PLA2G4A: variants seen among roughly 807,000 people sequenced by gnomAD.
The protein encoded by PLA2G4A is cytosolic phospholipase A2.
Under a neutral mutation model 81.9 loss-of-function variants are expected in PLA2G4A, and 40 were observed. The observed-to-expected ratio is 0.49, with a 90% confidence interval of 0.38 to 0.64. PLA2G4A has a LOEUF of 0.64. Among genes scored for constraint, PLA2G4A ranks in the 30% least tolerant of loss-of-function variants. The pLI is 0.00. For missense variants in PLA2G4A, 715 were observed against 905.1 expected, an observed-to-expected ratio of 0.79 and a Z score of 2.69; for synonymous variants, 302 against 296.9, an observed-to-expected ratio of 1.02 and a Z score of -0.18.
chr1:186,890,636 A>G (rs1558405806), intron 3 of PLA2G4A, among the ~76,000 whole-genome samples: 1 of 151,966 alleles, frequency 6.6e-6, no homozygotes, highest in Non-Finnish European at 1.5e-5. Flanking sequence ...CGGGCAGATC[A>G]GGAGGTCAGG....
intron 16 of PLA2G4A, 112 bp from the exon 17 acceptor site, chr1:186,979,203 C>G: frequency 2.6e-6 from 2 of 783,322 alleles, no homozygotes; most frequent in Non-Finnish European, 2.3e-6. Flanking sequence ...GAGTACCTGG[C>G]TCTGTGGGGA....
intron 2 of PLA2G4A, among the ~76,000 whole-genome samples, chr1:186,863,091 A>C (rs1383337357): frequency 6.6e-6 from 1 of 152,178 alleles, no homozygotes; most frequent in Admixed American, 6.5e-5. Context: ...ATATATCATT[A>C]AGTAAATATT....
intron 8 of PLA2G4A, among the ~76,000 whole-genome samples, chr1:186,933,710 G>A (rs529310275): frequency 7.0e-4 from 107 of 152,180 alleles, no homozygotes; most frequent in African/African-American, 2.3e-3. Flanking sequence ...TATATGTCTA[G>A]CATTTTAAAG....
At chr1:186,866,257 A>G (rs991149353) in intron 2 of PLA2G4A, among the ~76,000 whole-genome samples, 2 of 152,134 alleles carry the variant, frequency 1.3e-5, no homozygotes, top group African/African-American at 2.4e-5. Context: ...CTATTTGGAT[A>G]ATCATCGATT....
chr1:186,956,231 T>C lies in PLA2G4A; in HGVS notation c.1466T>C (p.Val489Ala), dbSNP rs758642971. ...ACCAGAGAAGGACGTGCTGGGAAGG[T>C]ACACAACTTCATGCTGGGCTTGAAT... ...FNTREGRAGK[V>A]HNFMLGLNLN... The change falls in exon 14 of 18, where the codon GTA (valine) becomes GCA (alanine). Residue 489 changes from valine to alanine, a missense_variant. Coordinates refer to ENST00000367466, the MANE Select transcript of PLA2G4A (RefSeq NM_024420.3). The C allele has an allele frequency of 1.2e-6, 2 of 1,614,018 alleles. No homozygotes were observed. The highest frequency in any genetic ancestry group is 1.7e-6 in the Non-Finnish European group (2 of 1,179,940).
chr1:186,926,663 G>A (rs551540345), intron 7 of PLA2G4A, among the ~76,000 whole-genome samples: 1 of 152,208 alleles, frequency 6.6e-6, no homozygotes, highest in Non-Finnish European at 1.5e-5. Flanking sequence ...AATACAGACA[G>A]TATCCAGTTT....
intron 14 of PLA2G4A, among the ~76,000 whole-genome samples, chr1:186,960,988 C>A (rs1276591381): frequency 2.0e-5 from 3 of 152,102 alleles, no homozygotes; most frequent in East Asian, 3.8e-4. Context: ...ATGCTTTTTG[C>A]AACACAGTTA....
At chr1:186,969,905 C>T (rs531962035) in intron 15 of PLA2G4A, among the ~76,000 whole-genome samples, 6 of 151,934 alleles carry the variant, frequency 3.9e-5, no homozygotes, top group Admixed American at 2.0e-4. Flanking sequence ...TACTGATTTT[C>T]CTTTCTTTTG....
At chr1:186,834,538 A>G (rs1050217474) in intron 1 of PLA2G4A, among the ~76,000 whole-genome samples, 4 of 152,172 alleles carry the variant, frequency 2.6e-5, no homozygotes, top group Non-Finnish European at 5.9e-5. Context: ...GAGAAGGCCC[A>G]GGAAGTCCAC....
intron 2 of PLA2G4A, among the ~76,000 whole-genome samples, chr1:186,861,767 T>A (rs1005274616): frequency 3.3e-5 from 5 of 151,962 alleles, no homozygotes; most frequent in African/African-American, 1.2e-4. Flanking sequence ...CTTGAGAAAA[T>A]CCTGTGTTAT....
rs138518060 is a variant in PLA2G4A at position 186,840,891 on chromosome 1, C to A, written c.-70+11856C>A. ...TGGAACCCTCAACAAAACACAAATA[C>A]TACCTTGGGGAGCATATTTGCAAAA... On this transcript the variant is annotated intron_variant, in intron 1 of 17. Transcript: ENST00000367466. 2.8e-3 allele frequency among the ~76,000 whole-genome samples: 425 copies of A among 152,316 alleles called. 2 individuals carry two copies. The highest frequency in any genetic ancestry group is 4.4e-3 in the Non-Finnish European group (298 of 68,036).
intron 3 of PLA2G4A, among the ~76,000 whole-genome samples, chr1:186,879,350 T>C (rs1418880669): frequency 6.6e-6 from 1 of 152,048 alleles, no homozygotes; most frequent in African/African-American, 2.4e-5. Flanking sequence ...GCCTGACTAA[T>C]GTCCACATCA....
At chr1:186,984,142 G>A (rs968466903) in intron 17 of PLA2G4A, among the ~76,000 whole-genome samples, 56 of 152,046 alleles carry the variant, frequency 3.7e-4, no homozygotes, top group African/African-American at 1.3e-3. Flanking sequence ...CATGATGGGT[G>A]TTTAAAATTT....
At chr1:186,901,281 TAACAATTGA>T (rs1654528926) in intron 5 of PLA2G4A, among the ~76,000 whole-genome samples, 1 of 152,184 alleles carries the variant, frequency 6.6e-6, no homozygotes, top group Admixed American at 6.6e-5. Flanking sequence ...TTTGGGTCAC[TAACAATTGA>T]AACAAGTGAG....
chr1:186,877,134 T>C lies in PLA2G4A; in HGVS notation c.115+6618T>C, dbSNP rs74650184. On this transcript the variant is annotated intron_variant, in intron 3 of 17. Coordinates refer to ENST00000367466, the MANE Select transcript of PLA2G4A (RefSeq NM_024420.3). ...TCAATATGAAAATAAATGATCTGTT[T>C]GGTAGCTATTCTTGAGTTTCACAGT... Among the ~76,000 whole-genome samples the C allele has an allele frequency of 4.7e-3, 709 of 152,176 alleles. 2 individuals carry two copies. Among genetic ancestry groups the C allele is most frequent in the African/African-American group, 0.016 (678 of 41,548 alleles).
At chr1:186,921,215 A>G (rs2102178901) in intron 7 of PLA2G4A, among the ~76,000 whole-genome samples, 1 of 151,966 alleles carries the variant, frequency 6.6e-6, no homozygotes, top group Non-Finnish European at 1.5e-5. Context: ...ATTCTTACAT[A>G]TTCTTGGGGG....
rs1468383735 is a variant in PLA2G4A, at chr1:186,857,077, T to TAATATATATTA, written c.33+2690_33+2691insAATATATATTA. ...GTCTGCCATGCAGCCCCCACATATA[T>TAATATATATTA]TATACATATATAATATATAATATAA... is the stretch of plus-strand genomic sequence containing the variant. On this transcript the variant is annotated intron_variant, in intron 2 of 17. Coordinates refer to ENST00000367466, the MANE Select transcript of PLA2G4A (RefSeq NM_024420.3). Among the ~76,000 whole-genome samples the TAATATATATTA allele has an allele frequency of 4.2e-3, 76 of 18,184 alleles. 25 individuals are homozygous for TAATATATATTA. The East Asian group carries it at 0.061, about 15-fold the overall frequency. 11.9% of individuals were successfully genotyped at this position (18,184 alleles called of 152,430 possible).
intron 13 of PLA2G4A, among the ~76,000 whole-genome samples, chr1:186,953,105 T>C (rs1189031499): frequency 6.6e-6 from 1 of 152,210 alleles, no homozygotes; most frequent in Non-Finnish European, 1.5e-5. Context: ...CTGGATCATA[T>C]GGTAAGAGTA....
chr1:186,905,184 T>C lies in PLA2G4A; in HGVS notation c.379-1781T>C, dbSNP rs543352539. Among the ~76,000 whole-genome samples, 35 of 152,322 alleles carry C rather than the reference T, an allele frequency of 2.3e-4. No individual in the cohort carries two copies. In the South Asian group the frequency reaches 6.8e-3, roughly 30 times the overall value. On this transcript the variant is annotated intron_variant, in intron 5 of 17. Coordinates refer to ENST00000367466, the MANE Select transcript of PLA2G4A (RefSeq NM_024420.3). ...ATTGGATATGTAATTAATAAATTGC[T>C]TGGAGACCTGCCAGCTGGGAAACCA...
Sources: gnomAD v4.1 joint callset for allele counts (sites outside exome capture counted in the v4.1 genomes callset) on GRCh38, gnomAD v4.1.1 for gene constraint, MANE v1.5 for transcripts, NCBI Gene and HGNC (gene_info 2026-07-23, HGNC 2026-07-21) for gene names.